Variants in RBFOX1 observed in about 807,000 individuals in gnomAD.
The protein encoded by RBFOX1 is RNA binding protein fox-1 homolog 1.
A neutral mutation model predicts 57.7 loss-of-function variants in RBFOX1; 8 were observed. The ratio of observed to expected loss-of-function variants is 0.14; its 90% CI spans 0.08 to 0.25. RBFOX1 has a LOEUF of 0.25. Among genes scored for constraint, RBFOX1 ranks in the 10% least tolerant of loss-of-function variants. RBFOX1 has a pLI of 1.00. For synonymous variants in RBFOX1, 326 were observed against 222.4 expected (o/e 1.47, Z -4.15); for missense variants, 611 against 548.5 (o/e 1.11, Z -1.14).
chr16:6,863,311 C>G (rs2059335283), intron 3 of RBFOX1, among the ~76,000 whole-genome samples: 1 of 152,012 alleles, frequency 6.6e-6, no homozygotes. Flanking sequence ...AGCAAATGGT[C>G]AAGATGAATG....
At chr16:7,469,837 C>T (rs986893576) in intron 4 of RBFOX1, among the ~76,000 whole-genome samples, 123 of 152,286 alleles carry the variant, frequency 8.1e-4, no homozygotes, top group African/African-American at 2.8e-3. Flanking sequence ...ACACTAATTT[C>T]ATCCGTCCTG....
intron 1 of RBFOX1, among the ~76,000 whole-genome samples, chr16:5,404,316 A>T (rs182439541): frequency 7.9e-5 from 12 of 152,112 alleles, no homozygotes; most frequent in Non-Finnish European, 1.5e-4. Flanking sequence ...AGAAGTGCCA[A>T]CCTTCTGGGA....
At chr16:6,495,406 C>T (rs1023493637) in intron 2 of RBFOX1, among the ~76,000 whole-genome samples, 8 of 141,052 alleles carry the variant, frequency 5.7e-5, no homozygotes, top group African/African-American at 2.1e-4. Flanking sequence ...GCTAATATTA[C>T]AGGCTTGAGC....
intron 1 of RBFOX1, among the ~76,000 whole-genome samples, chr16:5,406,373 G>T (rs1262518532): frequency 6.6e-6 from 1 of 152,134 alleles, no homozygotes; most frequent in African/African-American, 2.4e-5. Flanking sequence ...AGCTCTGACT[G>T]CTTGAGCTGG....
At chr16:7,370,777 G>A (rs942215718) in intron 4 of RBFOX1, among the ~76,000 whole-genome samples, 4 of 152,202 alleles carry the variant, frequency 2.6e-5, no homozygotes, top group African/African-American at 7.2e-5. Context: ...GAACATTCAT[G>A]CATATTTGAA....
rs36117809 is a variant in RBFOX1 at position 6,981,042 on chromosome 16, C to CAAAAAAAAAAAAAAAAAAAAA, written c.-15-70998_-15-70997insAAAAAAAAAAAAAAAAAAAAA. ...TGGGTGGCAGAGCAAGTCTCAGTCT[C>CAAAAAAAAAAAAAAAAAAAAA]AAAAAAAAAAAAAAAAACACTAAAA... On this transcript the variant is annotated intron_variant, in intron 3 of 15. Transcript: ENST00000550418. 1.3e-3 allele frequency among the ~76,000 whole-genome samples: 99 copies of CAAAAAAAAAAAAAAAAAAAAA among 77,420 alleles called. 9 individuals are homozygous for CAAAAAAAAAAAAAAAAAAAAA. The highest frequency in any genetic ancestry group is 6.2e-3 in the African/African-American group (78 of 12,674). The allele number at this position is 77,420 out of a possible 152,430, so 50.8% of individuals were successfully genotyped here. A position where few individuals can be genotyped will look rare whatever the true frequency, so the allele number is the denominator to read the frequency against.
intron 1 of RBFOX1, among the ~76,000 whole-genome samples, chr16:5,322,944 G>C (rs541758782): frequency 1.3e-5 from 2 of 152,272 alleles, no homozygotes; most frequent in African/African-American, 4.8e-5. Flanking sequence ...TTTGTCCTCA[G>C]AGTCTGAGGT....
intron 1 of RBFOX1, among the ~76,000 whole-genome samples, chr16:5,355,996 C>G (rs559489574): frequency 4.5e-4 from 68 of 152,334 alleles, no homozygotes; most frequent in African/African-American, 1.6e-3. Context: ...GAGGCTGTGA[C>G]ATGAGAATTG....
intron 1 of RBFOX1, among the ~76,000 whole-genome samples, chr16:5,266,986 T>A (rs3859161): frequency 0.22 from 33,956 of 151,898 alleles, 4,193 homozygotes; most frequent in African/African-American, 0.31. Flanking sequence ...GTGATTGGCA[T>A]GAAAGCTGAT....
At chr16:7,386,924 C>A (rs2148250174) in intron 4 of RBFOX1, among the ~76,000 whole-genome samples, 1 of 152,286 alleles carries the variant, frequency 6.6e-6, no homozygotes, top group African/African-American at 2.4e-5. Flanking sequence ...TCCATTCTGA[C>A]TGCCATGAGA....
intron 2 of RBFOX1, among the ~76,000 whole-genome samples, chr16:5,538,111 C>T (rs1009813400): frequency 5.3e-5 from 8 of 152,054 alleles, no homozygotes; most frequent in East Asian, 1.9e-4. Flanking sequence ...GTGGTTGACT[C>T]GAGCAGGAAC....
intron 11 of RBFOX1, among the ~76,000 whole-genome samples, chr16:7,645,953 CT>C (rs199902193): frequency 0.15 from 22,302 of 143,952 alleles, 1,737 homozygotes; most frequent in African/African-American, 0.17. Context: ...ACCCACCCAC[CT>C]TTTTTTTTTT....
chr16:7,041,451 T>A (rs79331492), intron 3 of RBFOX1, among the ~76,000 whole-genome samples: 14,346 of 152,222 alleles, frequency 0.094, 1,112 homozygotes, highest in East Asian at 0.32. Flanking sequence ...ATTTCATTAC[T>A]TGTGGACATT....
At chr16:7,697,668 C>A (rs1053196068) in intron 14 of RBFOX1, among the ~76,000 whole-genome samples, 1 of 152,156 alleles carries the variant, frequency 6.6e-6, no homozygotes, top group African/African-American at 2.4e-5. Context: ...CTTGCCCAGT[C>A]ACACTGGAGT....
chr16:7,586,667 A>G lies in RBFOX1; in HGVS notation c.415-580A>G, dbSNP rs534312971. On this transcript the variant is annotated intron_variant, in intron 6 of 15. Coordinates refer to ENST00000550418, the MANE Select transcript of RBFOX1 (RefSeq NM_018723.4). The stretch of plus-strand genomic sequence containing the variant: ...TTGTCTAAAATCTATTTGTTTAACA[A>G]TGTGGAGAATTATCTTGAGAGAATT... 1.3e-3 allele frequency among the ~76,000 whole-genome samples: 205 copies of G among 152,358 alleles called. 2 individuals are homozygous for G. The highest frequency in any genetic ancestry group is 6.8e-3 in the Admixed American group (104 of 15,298).
At chr16:5,280,005 G>T (rs2151145246) in intron 1 of RBFOX1, among the ~76,000 whole-genome samples, 1 of 152,300 alleles carries the variant, frequency 6.6e-6, no homozygotes, top group Admixed American at 6.5e-5. Flanking sequence ...GGGTATCCTT[G>T]TCTTGTTCCA....
Position 7,709,108 on chromosome 16 carries a change from C to T in RBFOX1, c.1048C>T (p.Pro350Ser). The change falls in exon 15 of 16, where the codon CCC becomes TCC. Residue 350 changes from proline to serine, a missense_variant. By Grantham distance (74) the Pro-to-Ser change is moderately conservative. Coordinates refer to ENST00000550418, the MANE Select transcript of RBFOX1 (RefSeq NM_018723.4). ...CTACCACCACGCACTTGCTCCAGCCCCCACCTACGGCGTTGGTGCCATGGT... is the reference window on the plus strand; with the variant it reads ...CTACCACCACGCACTTGCTCCAGCCTCCACCTACGGCGTTGGTGCCATGGT... Reference protein sequence around the residue: ...DPYHHALAPAPTYGVGAMNAF... With the variant: ...DPYHHALAPASTYGVGAMNAF... 1 of 1,613,816 alleles carries T rather than the reference C, an allele frequency of 6.2e-7. No homozygotes were observed. Among genetic ancestry groups the T allele is most frequent in the Non-Finnish European group, 8.5e-7 (1 of 1,179,812 alleles).
intron 1 of RBFOX1, among the ~76,000 whole-genome samples, chr16:6,134,972 T>C (rs537948231): frequency 6.6e-6 from 1 of 152,228 alleles, no homozygotes; most frequent in South Asian, 2.1e-4. Context: ...ATTAGGTATA[T>C]CTCCAACTGC....
chr16:6,683,315 C>G lies in RBFOX1; in HGVS notation c.-16+28665C>G, dbSNP rs138344433. 3.2e-4 allele frequency among the ~76,000 whole-genome samples: 48 copies of G among 152,070 alleles called. 1 individual carries two copies. Among genetic ancestry groups the G allele is most frequent in the African/African-American group, 1.1e-3 (46 of 41,486 alleles). On this transcript the variant is annotated intron_variant, in intron 3 of 15. Coordinates refer to ENST00000550418, the MANE Select transcript of RBFOX1 (RefSeq NM_018723.4). ...ACCCTTGAGACCTTTAAATACGGTCCTGGGCATTAGATTTAATTTTGAATC... is the reference window on the plus strand; with the variant it reads ...ACCCTTGAGACCTTTAAATACGGTCGTGGGCATTAGATTTAATTTTGAATC...
Sources: gnomAD v4.1 joint callset for allele counts (sites outside exome capture counted in the v4.1 genomes callset) on GRCh38, gnomAD v4.1.1 for gene constraint, MANE v1.5 for transcripts, NCBI Gene and HGNC (gene_info 2026-07-23, HGNC 2026-07-21) for gene names.